TNIP3: variants seen among roughly 807,000 people sequenced by gnomAD.
The protein encoded by TNIP3 is TNFAIP3 interacting protein 3.
A neutral mutation model predicts 54.1 loss-of-function variants in TNIP3; 34 were observed. The ratio of observed to expected loss-of-function variants is 0.63; its 90% CI spans 0.48 to 0.84. TNIP3 has a LOEUF of 0.84. Ranked by LOEUF, TNIP3 falls within the 40% of genes least tolerant of loss-of-function variation. The pLI is 0.00. For synonymous variants in TNIP3, 134 were observed against 136.8 expected (o/e 0.98, Z 0.14); for missense variants, 366 against 387.6 (o/e 0.94, Z 0.47).
intron 2 of TNIP3, among the ~76,000 whole-genome samples, chr4:121,191,749 G>C (rs1199392628): frequency 6.6e-6 from 1 of 152,106 alleles, no homozygotes; most frequent in Admixed American, 6.6e-5. Flanking sequence ...TTTAAGTAAA[G>C]ATTATTATCA....
At chr4:121,185,864 T>C (rs745930639) in intron 2 of TNIP3, among the ~76,000 whole-genome samples, 1 of 152,210 alleles carries the variant, frequency 6.6e-6, no homozygotes, top group Non-Finnish European at 1.5e-5. Flanking sequence ...TGAGTATCCA[T>C]TATTGCAAGG....
Position 121,138,661 on chromosome 4 carries a change from A to G in TNIP3, c.909T>C (p.Leu303=), listed in dbSNP as rs765404045. ...GTTGTACATCTGGCGGAAGCTGGTC[A>G]AGAGCATACCACTGATAGTCTGGCT... ...EHPPDYQWYA[L]DQLPPDVQHK... Residue 303 remains leucine, a synonymous_variant, in exon 10 of 11, where the codon CTT becomes CTC. Transcript: ENST00000057513. 1 of 1,614,042 alleles carries G rather than the reference A, an allele frequency of 6.2e-7. No homozygotes were observed. The highest frequency in any genetic ancestry group is 1.3e-5 in the African/African-American group (1 of 75,066).
chr4:121,190,528 C>T lies in TNIP3; in HGVS notation c.69-7732G>A, dbSNP rs1725250803. Among the ~76,000 whole-genome samples, 3 of 152,180 alleles carry T rather than the reference C, an allele frequency of 2.0e-5. No homozygotes were observed. In the South Asian group the frequency reaches 6.2e-4, roughly 31 times the overall value. On this transcript the variant is annotated intron_variant, in intron 2 of 12. Transcript: ENST00000507879. The stretch of plus-strand genomic sequence containing the variant: ...AGTTATCCATATTATGTCTTTCCTT[C>T]TCAGCCTCAGTAAATCCTATTCTGG...
At chr4:121,223,617 TA>T (rs11288825) in intron 1 of TNIP3, among the ~76,000 whole-genome samples, 123,318 of 152,142 alleles carry the variant, frequency 0.81, 50,271 homozygotes, top group South Asian at 0.9. Flanking sequence ...CTAGAAAAGG[TA>T]AAAATGCCTC....
chr4:121,226,064 T>C (rs1053546854), intron 1 of TNIP3, among the ~76,000 whole-genome samples: 1 of 151,760 alleles, frequency 6.6e-6, no homozygotes, highest in Non-Finnish European at 1.5e-5. Flanking sequence ...AAGCCAATGA[T>C]AATTAAATAT....
At chr4:121,180,654 T>G (rs1172709924) in intron 3 of TNIP3, among the ~76,000 whole-genome samples, 1 of 152,174 alleles carries the variant, frequency 6.6e-6, no homozygotes, top group Non-Finnish European at 1.5e-5. Flanking sequence ...TCGTATATGT[T>G]TGAAGTGGAG....
chr4:121,133,061 C>A (rs1728570294), intron 10 of TNIP3, among the ~76,000 whole-genome samples: 1 of 152,120 alleles, frequency 6.6e-6, no homozygotes, highest in Non-Finnish European at 1.5e-5. Flanking sequence ...GTACTGGGTA[C>A]ATTATTGCCA....
intron 10 of TNIP3, among the ~76,000 whole-genome samples, chr4:121,136,857 G>GAAA (rs11338982): frequency 5.3e-4 from 31 of 58,904 alleles, no homozygotes; most frequent in South Asian, 1.4e-3. Context: ...GACTGTCTCC[G>GAAA]AAAAAAAAAA....
At chr4:121,139,512 C>T (rs1056186834) in intron 9 of TNIP3, among the ~76,000 whole-genome samples, 41 of 152,300 alleles carry the variant, frequency 2.7e-4, no homozygotes, top group African/African-American at 9.4e-4. Context: ...CTCCACAAGA[C>T]ACAGAGAATA....
At chr4:121,201,794 A>T (rs898232780) in intron 2 of TNIP3, among the ~76,000 whole-genome samples, 1 of 152,218 alleles carries the variant, frequency 6.6e-6, no homozygotes, top group Non-Finnish European at 1.5e-5. Context: ...GTACATGAGG[A>T]TCACATTTTC....
intron 3 of TNIP3, among the ~76,000 whole-genome samples, chr4:121,176,362 C>A (rs970390822): frequency 1.3e-5 from 2 of 151,950 alleles, no homozygotes; most frequent in Non-Finnish European, 2.9e-5. Flanking sequence ...CACAACAATG[C>A]AACTTTTTTT....
chr4:121,226,955 A>G (rs1387329699), intron 1 of TNIP3, among the ~76,000 whole-genome samples: 1 of 152,048 alleles, frequency 6.6e-6, no homozygotes, highest in Non-Finnish European at 1.5e-5. Context: ...TTGCTTAATC[A>G]AGATTGTTCA....
At chr4:121,208,766 T>G (rs1293498737) in intron 2 of TNIP3, among the ~76,000 whole-genome samples, 1 of 152,178 alleles carries the variant, frequency 6.6e-6, no homozygotes, top group Non-Finnish European at 1.5e-5. Context: ...TCTGATACCC[T>G]TGGAATTTCT....
chr4:121,178,587 GA>G (rs1262822800), intron 3 of TNIP3, among the ~76,000 whole-genome samples: 1 of 152,182 alleles, frequency 6.6e-6, no homozygotes, highest in African/African-American at 2.4e-5. Context: ...TTGAGCACCT[GA>G]AAACTTTCAG....
chr4:121,213,940 A>T (rs1430751775), intron 2 of TNIP3, among the ~76,000 whole-genome samples: 1 of 152,166 alleles, frequency 6.6e-6, no homozygotes, highest in East Asian at 1.9e-4. Context: ...AAAACTATAA[A>T]ACATCATGTT....
chr4:121,197,464 A>G (rs1196291954), intron 2 of TNIP3, among the ~76,000 whole-genome samples: 1 of 150,516 alleles, frequency 6.6e-6, no homozygotes, highest in Non-Finnish European at 1.5e-5. Flanking sequence ...GTGGCGGAGT[A>G]GAGATTGCAG....
chr4:121,187,350 G>C (rs1306814423), intron 2 of TNIP3, among the ~76,000 whole-genome samples: 1 of 152,152 alleles, frequency 6.6e-6, no homozygotes, highest in Non-Finnish European at 1.5e-5. Flanking sequence ...AATGATCTCT[G>C]CTCTGGGCCC....
intron 2 of TNIP3, among the ~76,000 whole-genome samples, chr4:121,197,250 G>A (rs1018940977): frequency 7.9e-5 from 12 of 152,010 alleles, no homozygotes; most frequent in Admixed American, 7.2e-4. Context: ...AAGTCCTGCC[G>A]GGCACAGCAG....
At chr4:121,142,033 T>C in intron 8 of TNIP3, 119 bp from the exon 9 acceptor site, 1 of 573,020 alleles carries the variant, frequency 1.7e-6, no homozygotes, top group South Asian at 3.7e-5. Context: ...CTGGCATAAT[T>C]ATAACTCAAA....
Sources: allele counts gnomAD v4.1 joint callset (sites outside exome capture counted in the v4.1 genomes callset), GRCh38; gene constraint gnomAD v4.1.1; transcripts MANE v1.5; gene names NCBI Gene and HGNC (gene_info 2026-07-23, HGNC 2026-07-21).